Variants in CAMK4 observed in about 807,000 individuals in gnomAD.
CAMK4 encodes calcium/calmodulin dependent protein kinase IV.
CAMK4 carries 22 observed loss-of-function variants against 44.9 expected under a neutral mutation model. The observed-to-expected ratio is 0.49, with a 90% CI of 0.35 to 0.70. The LOEUF is 0.70. Ranked by LOEUF, CAMK4 falls within the 30% of genes least tolerant of loss-of-function variation. The pLI is 0.01. For missense variants in CAMK4, 498 were observed against 586.8 expected (o/e 0.85, Z 1.56); for synonymous variants, 218 against 215.4 (o/e 1.01, Z -0.11).
intron 7 of CAMK4, among the ~76,000 whole-genome samples, chr5:111,468,578 C>A (rs1380480644): frequency 6.6e-6 from 1 of 152,136 alleles, no homozygotes; most frequent in Non-Finnish European, 1.5e-5. Context: ...GGTGCTAGAG[C>A]CTGAACTTTA....
intron 7 of CAMK4, among the ~76,000 whole-genome samples, chr5:111,455,503 A>AGAGTCC (rs1439401942): frequency 2.0e-5 from 3 of 152,252 alleles, no homozygotes; most frequent in Admixed American, 1.3e-4. Context: ...GGTAAAAGAG[A>AGAGTCC]GAGTCCCTCA....
chr5:111,362,493 A>G (rs73788843), intron 2 of CAMK4, among the ~76,000 whole-genome samples: 7,126 of 152,104 alleles, frequency 0.047, 577 homozygotes, highest in African/African-American at 0.16. Context: ...AAAAAGAAGT[A>G]TACATACATA....
intron 1 of CAMK4, among the ~76,000 whole-genome samples, chr5:111,333,201 A>G (rs188013965): frequency 2.6e-5 from 4 of 151,728 alleles, no homozygotes; most frequent in South Asian, 4.1e-4. Flanking sequence ...AGGAAAGAGG[A>G]CTGGGAATGG....
intron 1 of CAMK4, among the ~76,000 whole-genome samples, chr5:111,296,795 C>G (rs903032256): frequency 1.3e-5 from 2 of 152,182 alleles, no homozygotes; most frequent in Non-Finnish European, 2.9e-5. Flanking sequence ...AGCCAAATGC[C>G]TGCAGAGCCA....
chr5:111,389,299 A>G (rs1168105493), intron 4 of CAMK4, among the ~76,000 whole-genome samples: 1 of 152,162 alleles, frequency 6.6e-6, no homozygotes, highest in Non-Finnish European at 1.5e-5. Context: ...CCCACCTCCT[A>G]ATAACATCAC....
At chr5:111,445,422 T>C (rs1385925754) in intron 5 of CAMK4, among the ~76,000 whole-genome samples, 2 of 151,968 alleles carry the variant, frequency 1.3e-5, no homozygotes, top group Non-Finnish European at 2.9e-5. Context: ...GGTTTGGTTT[T>C]TTGTTTTTGT....
chr5:111,383,111 AG>A (rs1358564628), intron 4 of CAMK4, among the ~76,000 whole-genome samples: 1 of 152,224 alleles, frequency 6.6e-6, no homozygotes, highest in Non-Finnish European at 1.5e-5. Flanking sequence ...CTGTAGGTCT[AG>A]GAACACATTG....
intron 4 of CAMK4, among the ~76,000 whole-genome samples, chr5:111,393,037 A>G (rs946093929): frequency 1.3e-5 from 2 of 152,202 alleles, no homozygotes; most frequent in Non-Finnish European, 2.9e-5. Context: ...TGGTGAATGA[A>G]CTCATTATTT....
intron 1 of CAMK4, among the ~76,000 whole-genome samples, chr5:111,285,528 G>T (rs1216617510): frequency 6.6e-6 from 1 of 152,190 alleles, no homozygotes; most frequent in African/African-American, 2.4e-5. Context: ...TCTACATAAT[G>T]ATGTCACCCA....
chr5:111,325,991 A>T (rs1748870765), intron 1 of CAMK4, among the ~76,000 whole-genome samples: 1 of 152,096 alleles, frequency 6.6e-6, no homozygotes, highest in Admixed American at 6.6e-5. Context: ...TTTAGCATTG[A>T]ATGTTTTTTA....
At chr5:111,348,316 T>C (rs1257663889) in intron 2 of CAMK4, among the ~76,000 whole-genome samples, 1 of 151,988 alleles carries the variant, frequency 6.6e-6, no homozygotes, top group Non-Finnish European at 1.5e-5. Context: ...GACTTATCCA[T>C]AGGAATACAG....
intron 1 of CAMK4, among the ~76,000 whole-genome samples, chr5:111,313,142 C>G (rs1035476135): frequency 1.3e-5 from 2 of 151,994 alleles, no homozygotes; most frequent in Non-Finnish European, 2.9e-5. Flanking sequence ...AGCAATAATT[C>G]TTTGCTCTGC....
chr5:111,401,617 T>A lies in CAMK4; in HGVS notation c.459+6835T>A, dbSNP rs371559637. Among the ~76,000 whole-genome samples the A allele has an allele frequency of 3.9e-5, 6 of 152,284 alleles. No homozygotes were observed. The East Asian group carries it at 7.7e-4, about 20-fold the overall frequency. On this transcript the variant is annotated intron_variant, in intron 5 of 10. Transcript: ENST00000282356. ...CCTTTTGATTAAAAAAATTAACCTGTAACTCACTCTCTAAAACAGAAACAG... is the reference window on the plus strand; with the variant it reads ...CCTTTTGATTAAAAAAATTAACCTGAAACTCACTCTCTAAAACAGAAACAG...
chr5:111,393,094 A>G (rs902324954), intron 4 of CAMK4, among the ~76,000 whole-genome samples: 2 of 152,318 alleles, frequency 1.3e-5, no homozygotes, highest in South Asian at 2.1e-4. Context: ...CCTCTTTCCT[A>G]TAAGAATTGT....
At chr5:111,357,194 AG>A (rs1169930769) in intron 2 of CAMK4, among the ~76,000 whole-genome samples, 3 of 152,122 alleles carry the variant, frequency 2.0e-5, no homozygotes, top group Non-Finnish European at 4.4e-5. Context: ...TCAGAAGGAG[AG>A]CTTATGTTAC....
intron 5 of CAMK4, among the ~76,000 whole-genome samples, chr5:111,446,353 C>G (rs1754027988): frequency 6.6e-6 from 1 of 152,176 alleles, no homozygotes; most frequent in African/African-American, 2.4e-5. Flanking sequence ...TTTCAGTACA[C>G]AGCACCTTGA....
rs528393574 is a variant in CAMK4, at chr5:111,274,025, C to T, written c.161+49381C>T. Among the ~76,000 whole-genome samples, 21 of 152,080 alleles carry T rather than the reference C, an allele frequency of 1.4e-4. No individual in the cohort carries two copies. The South Asian group carries it at 4.2e-3, about 30-fold the overall frequency. On this transcript the variant is annotated intron_variant, in intron 1 of 10. Transcript: ENST00000282356. ...TGGCATCTATGGAGTATGGCCACCT[C>T]ATCTCTCATTGCATCCTCCTCCTTA...
chr5:111,383,433 T>C (rs889721560), intron 4 of CAMK4, among the ~76,000 whole-genome samples: 5 of 152,178 alleles, frequency 3.3e-5, no homozygotes, highest in African/African-American at 9.7e-5. Context: ...TATTATTCTT[T>C]TGTGGATGCT....
intron 5 of CAMK4, among the ~76,000 whole-genome samples, chr5:111,414,660 A>T (rs1472539494): frequency 6.6e-6 from 1 of 152,252 alleles, no homozygotes; most frequent in East Asian, 1.9e-4. Flanking sequence ...ATTGGATTGT[A>T]GAAGCAGTGA....
Sources: gnomAD v4.1 joint callset for allele counts (sites outside exome capture counted in the v4.1 genomes callset) on GRCh38, gnomAD v4.1.1 for gene constraint, MANE v1.5 for transcripts, NCBI Gene and HGNC (gene_info 2026-07-23, HGNC 2026-07-21) for gene names.